Variants in SPRED1 observed in about 807,000 individuals in gnomAD.
SPRED1 encodes the protein sprouty-related, EVH1 domain-containing protein 1.
A neutral mutation model predicts 52.3 loss-of-function variants in SPRED1; 18 were observed. The ratio of observed to expected loss-of-function variants is 0.34; its 90% CI spans 0.24 to 0.51. The LOEUF is 0.51. Among genes scored for constraint, SPRED1 ranks in the 20% least tolerant of loss-of-function variants. The pLI is 0.97. For missense variants in SPRED1, 485 were observed against 551.0 expected, an observed-to-expected ratio of 0.88 and a Z score of 1.20; for synonymous variants, 155 against 179.7, an observed-to-expected ratio of 0.86 and a Z score of 1.10.
At chr15:38,268,407 C>T (rs533825708) in intron 1 of SPRED1, among the ~76,000 whole-genome samples, 1 of 152,340 alleles carries the variant, frequency 6.6e-6, no homozygotes, top group East Asian at 1.9e-4. Context: ...GGGTCTCCAT[C>T]AGCATTATGT....
intron 5 of SPRED1, among the ~76,000 whole-genome samples, chr15:38,342,043 T>TC (rs71418804): frequency 8.3e-6 from 1 of 120,726 alleles, no homozygotes; most frequent in African/African-American, 2.9e-5. Flanking sequence ...TTTTTTTTTT[T>TC]CCCCCAGGGT....
intron 1 of SPRED1, among the ~76,000 whole-genome samples, chr15:38,290,335 T>C (rs954925116): frequency 3.3e-5 from 5 of 152,208 alleles, no homozygotes; most frequent in Non-Finnish European, 7.3e-5. Flanking sequence ...GAAGTAGTTA[T>C]AGTTTGAACT....
At chr15:38,273,996 G>T (rs1445883030) in intron 1 of SPRED1, among the ~76,000 whole-genome samples, 1 of 152,130 alleles carries the variant, frequency 6.6e-6, no homozygotes, top group African/African-American at 2.4e-5. Context: ...ATAATCTTGA[G>T]AACTTTTTCA....
chr15:38,313,906 G>T (rs1895418598), intron 2 of SPRED1, among the ~76,000 whole-genome samples: 2 of 151,546 alleles, frequency 1.3e-5, no homozygotes, highest in Admixed American at 1.3e-4. Context: ...TTTTTATATG[G>T]AGTTAATTTC....
At chr15:38,293,005 ATTTC>A (rs1216263881) in intron 1 of SPRED1, among the ~76,000 whole-genome samples, 3 of 149,500 alleles carry the variant, frequency 2.0e-5, no homozygotes, top group Non-Finnish European at 4.4e-5. Context: ...AACCTCATTT[ATTTC>A]TTATAGCACT....
intron 1 of SPRED1, among the ~76,000 whole-genome samples, chr15:38,256,192 C>G (rs1034070107): frequency 6.6e-6 from 1 of 152,058 alleles, no homozygotes; most frequent in African/African-American, 2.4e-5. Flanking sequence ...AAAAATCTTA[C>G]TTTTCAAAAA....
intron 2 of SPRED1, among the ~76,000 whole-genome samples, chr15:38,321,625 A>T (rs1358326894): frequency 6.6e-6 from 1 of 152,174 alleles, no homozygotes; most frequent in African/African-American, 2.4e-5. Flanking sequence ...ACAAAGTCTC[A>T]CTGTGTTGCC....
intron 2 of SPRED1, among the ~76,000 whole-genome samples, chr15:38,302,890 G>A (rs1450068260): frequency 2.6e-5 from 4 of 152,142 alleles, no homozygotes; most frequent in South Asian, 4.1e-4. Context: ...TTGGCCGGGC[G>A]TGGTGGCTCA....
intron 1 of SPRED1, among the ~76,000 whole-genome samples, chr15:38,275,444 C>T (rs1894528970): frequency 1.3e-5 from 2 of 152,132 alleles, no homozygotes; most frequent in African/African-American, 4.8e-5. Context: ...TATTTAGAAA[C>T]TACTCTATGG....
At chr15:38,308,382 G>A (rs1028009577) in intron 2 of SPRED1, among the ~76,000 whole-genome samples, 4 of 152,066 alleles carry the variant, frequency 2.6e-5, no homozygotes, top group South Asian at 2.1e-4. Context: ...ATTCATTTTT[G>A]TGTGTATTTT....
chr15:38,318,107 G>T (rs1294284037), intron 2 of SPRED1, among the ~76,000 whole-genome samples: 1 of 152,030 alleles, frequency 6.6e-6, no homozygotes, highest in East Asian at 1.9e-4. Context: ...TTGGGTGATT[G>T]TGCCAATAGA....
At position 38,323,140 on chromosome 15, in the gene SPRED1, G is replaced by A. The variant is rs577472260; in HGVS notation, c.376+731G>A. Among the ~76,000 whole-genome samples the A allele has an allele frequency of 2.0e-5, 3 of 151,954 alleles. No individual in the cohort carries two copies. In the South Asian group the frequency reaches 6.2e-4, roughly 32 times the overall value. ...AGTAACTGAAAGTGTGCTAGACTAC[G>A]TTGTGATTTGTGTTATTTTGAAGAT... On this transcript the variant is annotated intron_variant, in intron 3 of 6. Coordinates refer to ENST00000299084, the MANE Select transcript of SPRED1 (RefSeq NM_152594.3).
chr15:38,258,021 T>TA (rs1224134987), intron 1 of SPRED1, among the ~76,000 whole-genome samples: 3 of 152,210 alleles, frequency 2.0e-5, no homozygotes, highest in Non-Finnish European at 4.4e-5. Context: ...GGAACGACAT[T>TA]AAAAATGCCA....
chr15:38,290,740 T>C (rs765480067), intron 1 of SPRED1, among the ~76,000 whole-genome samples: 1 of 152,190 alleles, frequency 6.6e-6, no homozygotes, highest in Non-Finnish European at 1.5e-5. Flanking sequence ...CTGAGACTTA[T>C]TCCCTATCAC....
intron 4 of SPRED1, among the ~76,000 whole-genome samples, chr15:38,329,444 C>G (rs1388455666): frequency 6.6e-6 from 1 of 152,100 alleles, no homozygotes; most frequent in Non-Finnish European, 1.5e-5. Context: ...TAATAAGGCT[C>G]TATATCTGAA....
intron 1 of SPRED1, chr15:38,298,653 G>A (rs8034630): frequency 0.84 from 183,895 of 217,770 alleles, 78,571 homozygotes; most frequent in Non-Finnish European, 0.9. Context: ...AAGGATTTTT[G>A]AAGTGATGAA....
rs1894009195 is a variant in SPRED1 at position 38,252,931 on chromosome 15, T to A, written c.-255T>A. 3 of 582,168 alleles carry A rather than the reference T, an allele frequency of 5.2e-6. No individual in the cohort carries two copies. In the Admixed American group the frequency reaches 9.0e-5, roughly 18 times the overall value. 36.1% of individuals were successfully genotyped at this position (582,168 alleles called of 1,614,324 possible). A position where few individuals can be genotyped will look rare whatever the true frequency, so the allele number is the denominator to read the frequency against. On this transcript the variant is annotated 5_prime_UTR_variant, in exon 1 of 7. Coordinates refer to ENST00000299084, the MANE Select transcript of SPRED1 (RefSeq NM_152594.3). ...TTCCACCGGGCCTCCTCGGATCCCT[T>A]GGCTGGGCACTGAGGCGGGGGAAGA...
chr15:38,308,483 A>AT (rs1895295752), intron 2 of SPRED1, among the ~76,000 whole-genome samples: 1 of 152,198 alleles, frequency 6.6e-6, no homozygotes, highest in Admixed American at 6.5e-5. Context: ...CTTTCTGTTG[A>AT]TTTTATCACC....
At chr15:38,259,947 T>C (rs1894174017) in intron 1 of SPRED1, among the ~76,000 whole-genome samples, 1 of 152,198 alleles carries the variant, frequency 6.6e-6, no homozygotes, top group South Asian at 2.1e-4. Flanking sequence ...ATTATGTTGC[T>C]GTAGACAAAG....
Sources: allele counts gnomAD v4.1 joint callset (sites outside exome capture counted in the v4.1 genomes callset), GRCh38; gene constraint gnomAD v4.1.1; transcripts MANE v1.5; gene names NCBI Gene and HGNC (gene_info 2026-07-23, HGNC 2026-07-21).